CATSPERE: variants seen among roughly 807,000 people sequenced by gnomAD.
The protein encoded by CATSPERE is catsper channel auxiliary subunit epsilon.
Under a neutral mutation model 114.1 loss-of-function variants are expected in CATSPERE, and 93 were observed. The observed-to-expected ratio is 0.81, with a 90% CI of 0.69 to 0.97. The LOEUF is 0.97. CATSPERE is among the 50% of genes least tolerant of loss of function. CATSPERE has a pLI of 0.00. For synonymous variants in CATSPERE, 341 were observed against 384.1 expected, an observed-to-expected ratio of 0.89 and a Z score of 1.31; for missense variants, 1,058 against 1,131.6, an observed-to-expected ratio of 0.93 and a Z score of 0.93.
At chr1:244,505,350 G>A (rs553507835) in intron 7 of CATSPERE, among the ~76,000 whole-genome samples, 1 of 152,190 alleles carries the variant, frequency 6.6e-6, no homozygotes, top group Non-Finnish European at 1.5e-5. Flanking sequence ...TCAAGATCGG[G>A]GTACTAGGTG....
chr1:244,509,579 C>T (rs902880977), intron 7 of CATSPERE, among the ~76,000 whole-genome samples: 10 of 152,022 alleles, frequency 6.6e-5, no homozygotes, highest in African/African-American at 1.4e-4. Context: ...GTCAGGGTAA[C>T]GCTTGCCTTG....
chr1:244,475,653 C>T (rs1669212668), intron 2 of CATSPERE, among the ~76,000 whole-genome samples: 1 of 151,590 alleles, frequency 6.6e-6, no homozygotes, highest in Admixed American at 6.6e-5. Context: ...TCTCCTGCCT[C>T]AGCCTCCTGA....
chr1:244,614,668 G>A (rs1450082583), intron 19 of CATSPERE, among the ~76,000 whole-genome samples: 1 of 152,162 alleles, frequency 6.6e-6, no homozygotes, highest in African/African-American at 2.4e-5. Flanking sequence ...CAACCAGCCA[G>A]GGGTGTACAC....
chr1:244,623,058 TTTTATTTATTTATTTA>T (rs6143712), intron 20 of CATSPERE, among the ~76,000 whole-genome samples: 2 of 145,508 alleles, frequency 1.4e-5, no homozygotes, highest in African/African-American at 5.1e-5. Flanking sequence ...TTTGTCTTAT[TTTTATTTATTTATTTA>T]TTTATTTATT....
At chr1:244,545,687 C>A (rs183004463) in intron 8 of CATSPERE, among the ~76,000 whole-genome samples, 30 of 152,342 alleles carry the variant, frequency 2.0e-4, no homozygotes, top group Admixed American at 3.9e-4. Flanking sequence ...AGTTACCATG[C>A]AACCCTAGCT....
chr1:244,579,366 C>T (rs1293199655), intron 11 of CATSPERE, among the ~76,000 whole-genome samples: 2 of 152,114 alleles, frequency 1.3e-5, no homozygotes, highest in South Asian at 2.1e-4. Context: ...TAAATTTTAA[C>T]TTTACAGTAG....
At chr1:244,584,927 G>C (rs1018595513) in intron 13 of CATSPERE, among the ~76,000 whole-genome samples, 1 of 152,142 alleles carries the variant, frequency 6.6e-6, no homozygotes, top group South Asian at 2.1e-4. Flanking sequence ...CTTAATCCAC[G>C]TAGGAAATAA....
intron 20 of CATSPERE, among the ~76,000 whole-genome samples, chr1:244,619,935 G>T (rs1671880289): frequency 6.6e-6 from 1 of 152,096 alleles, no homozygotes; most frequent in African/African-American, 2.4e-5. Flanking sequence ...ATTTTATTAG[G>T]AGACTTTAAT....
chr1:244,565,289 T>C (rs950399556), intron 10 of CATSPERE, among the ~76,000 whole-genome samples: 12 of 152,176 alleles, frequency 7.9e-5, no homozygotes, highest in African/African-American at 2.2e-4. Flanking sequence ...GAGTCCCTCT[T>C]TTTCTGTTGT....
intron 20 of CATSPERE, among the ~76,000 whole-genome samples, chr1:244,625,406 T>TAATA (rs74162779): frequency 0.021 from 273 of 12,868 alleles, 75 homozygotes; most frequent in African/African-American, 0.025. Context: ...TTATTATTAT[T>TAATA]TATATATATA....
chr1:244,472,830 C>T (rs1393490735), intron 2 of CATSPERE, among the ~76,000 whole-genome samples: 1 of 152,136 alleles, frequency 6.6e-6, no homozygotes, highest in Non-Finnish European at 1.5e-5. Context: ...TTAACTGTCT[C>T]CATAGTTTTG....
At chr1:244,547,453 CTTACTGTATAAAGG>C (rs1438500586) in intron 8 of CATSPERE, among the ~76,000 whole-genome samples, 2 of 152,098 alleles carry the variant, frequency 1.3e-5, no homozygotes, top group Admixed American at 1.3e-4. Context: ...TTGTAAATCA[CTTACTGTATAAAGG>C]TTAAAAGCCA....
intron 8 of CATSPERE, among the ~76,000 whole-genome samples, chr1:244,535,652 G>C (rs7515599): frequency 0.12 from 17,699 of 151,998 alleles, 1,663 homozygotes; most frequent in African/African-American, 0.26. Flanking sequence ...TCACCTTTCA[G>C]GGCAGTTGGT....
At chr1:244,579,001 G>A (rs1665764066) in intron 11 of CATSPERE, among the ~76,000 whole-genome samples, 1 of 151,102 alleles carries the variant, frequency 6.6e-6, no homozygotes, top group Non-Finnish European at 1.5e-5. Flanking sequence ...ATCACTAGTG[G>A]CACCCTCTAT....
chr1:244,459,578 G>C (rs1371586041), upstream of CATSPERE, among the ~76,000 whole-genome samples: 2 of 152,202 alleles, frequency 1.3e-5, no homozygotes, highest in African/African-American at 2.4e-5. Flanking sequence ...ATGGGGACTG[G>C]AGAGAGAAAA....
rs1348641503 is a variant in CATSPERE, at chr1:244,639,973, G to T, written c.2748G>T (p.Leu916=). The T allele has an allele frequency of 3.9e-6, 6 of 1,549,014 alleles. No homozygotes were observed. The highest frequency in any genetic ancestry group is 4.4e-6 in the Non-Finnish European group (5 of 1,146,350). The change falls in exon 22 of 22, where the codon CTG becomes CTT. Residue 916 remains leucine, a synonymous_variant. Coordinates refer to ENST00000366534, the MANE Select transcript of CATSPERE (RefSeq NM_001130957.2). Reference sequence around the variant, plus strand: ...CTTCTTTCCTCTTCGTCCTGATGCTGCTCTTCTTCACTATTCTTGTTTTGA... The same window carrying T: ...CTTCTTTCCTCTTCGTCCTGATGCTTCTCTTCTTCACTATTCTTGTTTTGA... ...LVASFLFVLM[L]LFFTILVLSY...
chr1:244,597,614 G>A (rs187063472), intron 17 of CATSPERE, among the ~76,000 whole-genome samples: 9 of 136,438 alleles, frequency 6.6e-5, no homozygotes, highest in South Asian at 2.3e-4. Flanking sequence ...TTATAATTTC[G>A]TATATAGCTC....
At chr1:244,543,346 A>G (rs1467522986) in intron 8 of CATSPERE, among the ~76,000 whole-genome samples, 1 of 152,130 alleles carries the variant, frequency 6.6e-6, no homozygotes, top group Admixed American at 6.6e-5. Flanking sequence ...ACATAGGGAA[A>G]CCCGAAGGAC....
chr1:244,510,441 C>G (rs897239440), intron 7 of CATSPERE, among the ~76,000 whole-genome samples: 1 of 152,112 alleles, frequency 6.6e-6, no homozygotes, highest in Non-Finnish European at 1.5e-5. Context: ...TTTTTGACAT[C>G]TAATTTTACT....
Sources: gnomAD v4.1 joint callset for allele counts (sites outside exome capture counted in the v4.1 genomes callset) on GRCh38, gnomAD v4.1.1 for gene constraint, MANE v1.5 for transcripts, NCBI Gene and HGNC (gene_info 2026-07-23, HGNC 2026-07-21) for gene names.